RABGAP1L: variants seen among roughly 807,000 people sequenced by gnomAD.
RABGAP1L encodes the protein RAB GTPase activating protein 1 like, also known as rab GTPase-activating protein 1-like.
In RABGAP1L, 63 loss-of-function variants were observed where a neutral mutation model predicts 137.7. The ratio of observed to expected loss-of-function variants is 0.46; its 90% CI spans 0.37 to 0.56. The LOEUF is 0.56. Ranked by LOEUF, RABGAP1L falls within the 20% of genes least tolerant of loss-of-function variation. RABGAP1L has a pLI of 0.00. For missense variants in RABGAP1L, 1,095 were observed against 1,244.0 expected, an observed-to-expected ratio of 0.88 and a Z score of 1.80; for synonymous variants, 431 against 433.7, an observed-to-expected ratio of 0.99 and a Z score of 0.08.
At chr1:174,713,168 T>C (rs997852687) in intron 17 of RABGAP1L, among the ~76,000 whole-genome samples, 5 of 152,166 alleles carry the variant, frequency 3.3e-5, no homozygotes, top group African/African-American at 1.2e-4. Context: ...AGTAAAACAA[T>C]GTCAATGAGA....
chr1:174,830,310 A>G (rs1691980364), intron 19 of RABGAP1L, among the ~76,000 whole-genome samples: 1 of 147,010 alleles, frequency 6.8e-6, no homozygotes, highest in Non-Finnish European at 1.5e-5. Flanking sequence ...GTTTCTGAGG[A>G]GAGAGCTGAA....
intron 13 of RABGAP1L, among the ~76,000 whole-genome samples, chr1:174,558,045 C>T (rs772956413): frequency 6.6e-6 from 1 of 152,184 alleles, no homozygotes; most frequent in Non-Finnish European, 1.5e-5. Flanking sequence ...CTTCCTTATC[C>T]CCTGAAGGGG....
chr1:174,831,277 G>A (rs1057171192), intron 19 of RABGAP1L, among the ~76,000 whole-genome samples: 1 of 148,046 alleles, frequency 6.8e-6, no homozygotes, highest in African/African-American at 2.5e-5. Flanking sequence ...AGAGTACTCC[G>A]AGTCTCCCAA....
At chr1:174,406,684 C>G (rs1409778133) in intron 13 of RABGAP1L, among the ~76,000 whole-genome samples, 1 of 151,984 alleles carries the variant, frequency 6.6e-6, no homozygotes, top group Non-Finnish European at 1.5e-5. Context: ...GCTTTAATCT[C>G]AATACTTTGG....
chr1:174,636,920 A>G (rs1674094886), intron 13 of RABGAP1L, among the ~76,000 whole-genome samples: 1 of 152,234 alleles, frequency 6.6e-6, no homozygotes, highest in Non-Finnish European at 1.5e-5. Context: ...AAATGCAAAG[A>G]AGATGGTCAT....
At chr1:174,903,006 G>T (rs770407411) in intron 19 of RABGAP1L, among the ~76,000 whole-genome samples, 1 of 152,194 alleles carries the variant, frequency 6.6e-6, no homozygotes, top group Non-Finnish European at 1.5e-5. Context: ...AAGGAAACTG[G>T]CTAAGACATC....
At chr1:174,583,673 C>T (rs17301853) in intron 13 of RABGAP1L, among the ~76,000 whole-genome samples, 17,960 of 152,100 alleles carry the variant, frequency 0.12, 1,396 homozygotes, top group South Asian at 0.17. Context: ...GTGAATTCAT[C>T]TTAGAAGTTT....
intron 13 of RABGAP1L, among the ~76,000 whole-genome samples, chr1:174,631,811 G>C (rs1443080840): frequency 2.0e-5 from 3 of 150,850 alleles, no homozygotes; most frequent in Non-Finnish European, 4.4e-5. Flanking sequence ...TGGGTTTCCT[G>C]AATACAGCAC....
At chr1:174,971,074 G>A (rs1006688865) in intron 21 of RABGAP1L, among the ~76,000 whole-genome samples, 4 of 151,728 alleles carry the variant, frequency 2.6e-5, no homozygotes, top group African/African-American at 9.7e-5. Flanking sequence ...ACATCAAAAT[G>A]TTACTGCTAG....
intron 13 of RABGAP1L, among the ~76,000 whole-genome samples, chr1:174,492,054 C>T (rs1387742409): frequency 6.6e-6 from 1 of 151,988 alleles, no homozygotes; most frequent in Non-Finnish European, 1.5e-5. Context: ...GAATGCTTAC[C>T]TGATTTTTGG....
chr1:174,743,246 T>C (rs925947481), intron 17 of RABGAP1L, among the ~76,000 whole-genome samples: 4 of 152,108 alleles, frequency 2.6e-5, no homozygotes, highest in African/African-American at 9.7e-5. Flanking sequence ...AAGGAAGCAA[T>C]TATGGTGAAT....
At chr1:174,530,840 TAC>T (rs1357125895) in intron 13 of RABGAP1L, among the ~76,000 whole-genome samples, 2 of 47,004 alleles carry the variant, frequency 4.3e-5, no homozygotes, top group East Asian at 7.1e-4. Flanking sequence ...CATACATACG[TAC>T]GTTTGTGTAG....
intron 1 of RABGAP1L, among the ~76,000 whole-genome samples, chr1:174,194,136 C>T (rs982926023): frequency 1.4e-4 from 21 of 152,156 alleles, no homozygotes; most frequent in African/African-American, 4.3e-4. Context: ...TAATTGCATT[C>T]GTACTAAGCA....
intron 14 of RABGAP1L, among the ~76,000 whole-genome samples, chr1:174,661,806 C>A (rs752404107): frequency 8.5e-5 from 13 of 152,058 alleles, no homozygotes; most frequent in Non-Finnish European, 1.8e-4. Flanking sequence ...CTCCTATCAC[C>A]CAGTGACATC....
At chr1:174,512,109 C>T (rs931721737) in intron 13 of RABGAP1L, among the ~76,000 whole-genome samples, 1 of 152,102 alleles carries the variant, frequency 6.6e-6, no homozygotes. Flanking sequence ...TTGTCTCAAA[C>T]TAGATGATTT....
chr1:174,938,540 A>T (rs992995416), intron 19 of RABGAP1L: 11 of 152,164 alleles, frequency 7.2e-5, no homozygotes, highest in Admixed American at 2.0e-4. Flanking sequence ...AAATGATCAA[A>T]GACATTGGAA....
At chr1:174,783,315 G>T (rs538639902) in intron 18 of RABGAP1L, among the ~76,000 whole-genome samples, 59 of 152,172 alleles carry the variant, frequency 3.9e-4, no homozygotes, top group African/African-American at 1.4e-3. Flanking sequence ...CTATAACACC[G>T]CATGGCCCAA....
intron 19 of RABGAP1L, among the ~76,000 whole-genome samples, chr1:174,819,401 G>A (rs1690786447): frequency 6.6e-6 from 1 of 152,068 alleles, no homozygotes. Flanking sequence ...GCCAGGCATT[G>A]TACCAGATAG....
At chr1:174,852,862 T>C (rs192280631) in intron 19 of RABGAP1L, among the ~76,000 whole-genome samples, 1 of 151,446 alleles carries the variant, frequency 6.6e-6, no homozygotes, top group Admixed American at 6.6e-5. Context: ...TGAAGAAAAA[T>C]TTAAACAACT....
Sources: allele counts gnomAD v4.1 joint callset (sites outside exome capture counted in the v4.1 genomes callset), GRCh38; gene constraint gnomAD v4.1.1; transcripts MANE v1.5; gene names NCBI Gene and HGNC (gene_info 2026-07-23, HGNC 2026-07-21).